Variants in DLGAP2 observed in about 807,000 individuals in gnomAD.
The protein encoded by DLGAP2 is DLG associated protein 2.
In DLGAP2, 26 loss-of-function variants were observed where a neutral mutation model predicts 100.3. That is an observed-to-expected ratio of 0.26 (90% CI 0.19 to 0.36). The LOEUF (loss-of-function observed/expected upper bound fraction) is 0.36. DLGAP2 is among the 10% of genes least tolerant of loss of function. DLGAP2 has a pLI of 1.00. For synonymous variants in DLGAP2, 886 were observed against 630.1 expected (o/e 1.41, Z -6.08); for missense variants, 1,858 against 1,453.2 (o/e 1.28, Z -4.53).
intron 13 of DLGAP2, among the ~76,000 whole-genome samples, chr8:1,693,218 G>A (rs1318008368): frequency 3.4e-5 from 5 of 146,618 alleles, no homozygotes; most frequent in African/African-American, 1.2e-4. Context: ...TATGTGTGTA[G>A]GCAAATATAC....
rs1010789304 is a variant in DLGAP2, at chr8:1,706,501, G to T, written c.*5095G>T. On this transcript the variant is annotated 3_prime_UTR_variant, in exon 15 of 15. Transcript: ENST00000637795. ...CGTAAACATCTCAGAGATAATCAGG[G>T]ACCACCAGAGGCAGAGGCCATGAGA... The T allele has an allele frequency of 6.6e-6, 1 of 152,160 alleles. No homozygotes were observed. The highest frequency in any genetic ancestry group is 2.4e-5 in the African/African-American group (1 of 41,428). The allele number at this position is 152,160 out of a possible 1,614,324, so 9.4% of individuals were successfully genotyped here.
intron 12 of DLGAP2, among the ~76,000 whole-genome samples, chr8:1,679,955 G>C (rs540110329): frequency 1.5e-5 from 2 of 135,944 alleles, no homozygotes; most frequent in East Asian, 4.4e-4. Flanking sequence ...ACTCCAGCCT[G>C]GGCAACAGAA....
intron 2 of DLGAP2, among the ~76,000 whole-genome samples, chr8:1,056,565 G>T (rs1299331249): frequency 6.6e-6 from 1 of 152,200 alleles, no homozygotes; most frequent in Admixed American, 6.5e-5. Flanking sequence ...TCCAACTAAT[G>T]ACTTCCAAAA....
intron 2 of DLGAP2, among the ~76,000 whole-genome samples, chr8:1,163,703 G>T (rs549504180): frequency 6.6e-6 from 1 of 152,206 alleles, no homozygotes; most frequent in Non-Finnish European, 1.5e-5. Context: ...TGTAATGACT[G>T]GGCACATTCG....
chr8:1,683,491 G>T (rs1799012529), intron 12 of DLGAP2, among the ~76,000 whole-genome samples: 1 of 151,332 alleles, frequency 6.6e-6, no homozygotes, highest in South Asian at 2.1e-4. Flanking sequence ...GGGGATGATG[G>T]AACTTGCCTA....
intron 8 of DLGAP2, 38 bp downstream of exon 8, chr8:1,633,084 C>G (rs1283139967): frequency 1.2e-6 from 2 of 1,604,694 alleles, no homozygotes; most frequent in South Asian, 1.1e-5. Context: ...AGCGGGGACT[C>G]TAGAGGCATA....
At chr8:863,900 G>A (rs1797441723) in intron 1 of DLGAP2, among the ~76,000 whole-genome samples, 1 of 152,102 alleles carries the variant, frequency 6.6e-6, no homozygotes, top group African/African-American at 2.4e-5. Context: ...AAGAGAATCG[G>A]CCCCCAGGTC....
In DLGAP2 at chr8:1,678,456, C is replaced by A; in HGVS notation, c.2531C>A (p.Pro844His). The change falls in exon 12 of 15, where the codon CCT becomes CAT. Residue 844 changes from proline (P) to histidine (H), a missense_variant. Transcript: ENST00000637795. ...CAAGTGGACACCTCCACCCTGCCCCCTCCAGACCCCTGGCTGGAGCCCGCC... is the reference window on the plus strand; with the variant it reads ...CAAGTGGACACCTCCACCCTGCCCCATCCAGACCCCTGGCTGGAGCCCGCC... ...RTQVDTSTLP[P>H]PDPWLEPAID... 8 of 1,613,532 alleles carry A rather than the reference C, an allele frequency of 5.0e-6. No individual in the cohort carries two copies. The highest frequency in any genetic ancestry group is 6.8e-6 in the Non-Finnish European group (8 of 1,179,728).
At chr8:1,458,007 T>TATATATAC (rs1798367488) in intron 3 of DLGAP2, among the ~76,000 whole-genome samples, 2 of 137,012 alleles carry the variant, frequency 1.5e-5, no homozygotes, top group South Asian at 4.6e-4. Context: ...TATATATATA[T>TATATATAC]ATATATAATT....
intron 1 of DLGAP2, among the ~76,000 whole-genome samples, chr8:761,555 G>T (rs187445767): frequency 4.1e-4 from 63 of 152,354 alleles, no homozygotes; most frequent in African/African-American, 1.4e-3. Flanking sequence ...ACGTGTGGCT[G>T]AAAGGCCAGT....
chr8:1,260,220 T>C (rs547757800), intron 3 of DLGAP2, among the ~76,000 whole-genome samples: 2 of 152,302 alleles, frequency 1.3e-5, no homozygotes, highest in Admixed American at 1.3e-4. Context: ...GAAAGCTTTA[T>C]TATTTCTTAT....
At chr8:1,085,588 G>T (rs966990051) in intron 2 of DLGAP2, among the ~76,000 whole-genome samples, 5 of 152,156 alleles carry the variant, frequency 3.3e-5, no homozygotes, top group Non-Finnish European at 7.3e-5. Context: ...GCATGTGTGG[G>T]TTCGTTTCTG....
chr8:763,807 A>T (rs1821145775), intron 1 of DLGAP2, among the ~76,000 whole-genome samples: 1 of 152,220 alleles, frequency 6.6e-6, no homozygotes, highest in Non-Finnish European at 1.5e-5. Flanking sequence ...AAAAAATGAA[A>T]AGAATGAGGC....
At chr8:1,684,092 C>T (rs1799050254) in intron 12 of DLGAP2, among the ~76,000 whole-genome samples, 1 of 150,548 alleles carries the variant, frequency 6.6e-6, no homozygotes, top group African/African-American at 2.5e-5. Flanking sequence ...AGCAATGCTC[C>T]TGCTTCAGCC....
rs543214808 is a variant in DLGAP2 at position 1,382,747 on chromosome 8, G to A, written c.107-118619G>A. On this transcript the variant is annotated intron_variant, in intron 3 of 14. Coordinates refer to ENST00000637795, the MANE Select transcript of DLGAP2 (RefSeq NM_001346810.2). Reference sequence around the variant, plus strand: ...ACCCAGTGAGACCCTGTCTCAAAGGGGAAAAAAACAAAAGAAATGTGTATA... The same window carrying A: ...ACCCAGTGAGACCCTGTCTCAAAGGAGAAAAAAACAAAAGAAATGTGTATA... Among the ~76,000 whole-genome samples the A allele has an allele frequency of 1.3e-3, 193 of 151,994 alleles. 3 individuals are homozygous for A. The highest frequency in any genetic ancestry group is 0.012 in the Admixed American group (191 of 15,284).
chr8:1,635,270 G>A (rs1418502853), intron 8 of DLGAP2, among the ~76,000 whole-genome samples: 1 of 152,160 alleles, frequency 6.6e-6, no homozygotes, highest in Non-Finnish European at 1.5e-5. Context: ...CTCCCAGTCT[G>A]GGAAAACAAA....
chr8:1,004,721 T>C (rs1801056494), intron 2 of DLGAP2, among the ~76,000 whole-genome samples: 1 of 152,204 alleles, frequency 6.6e-6, no homozygotes, highest in South Asian at 2.1e-4. Flanking sequence ...GGCATCTTTC[T>C]CAGCTGGGAG....
chr8:1,699,524 G>C (rs188388598), intron 14 of DLGAP2, among the ~76,000 whole-genome samples: 2 of 152,110 alleles, frequency 1.3e-5, no homozygotes, highest in Admixed American at 1.3e-4. Context: ...TGAGGCAGGA[G>C]AATGGAGTGA....
intron 1 of DLGAP2, among the ~76,000 whole-genome samples, chr8:904,385 T>C (rs1798331358): frequency 6.6e-6 from 1 of 152,136 alleles, no homozygotes; most frequent in Non-Finnish European, 1.5e-5. Context: ...CCAGGCGTGG[T>C]GGCAGGTGCC....
Sources: gnomAD v4.1 joint callset for allele counts (sites outside exome capture counted in the v4.1 genomes callset) on GRCh38, gnomAD v4.1.1 for gene constraint, MANE v1.5 for transcripts, NCBI Gene and HGNC (gene_info 2026-07-23, HGNC 2026-07-21) for gene names.